TRHDE: variants seen among roughly 807,000 people sequenced by gnomAD.
TRHDE encodes thyrotropin-releasing hormone-degrading ectoenzyme.
Under a neutral mutation model 125.7 loss-of-function variants are expected in TRHDE, and 72 were observed. That is an observed-to-expected ratio of 0.57 (90% confidence interval 0.47 to 0.70). The LOEUF is 0.70. TRHDE is among the 30% of genes least tolerant of loss of function. The pLI, the probability that TRHDE is intolerant of heterozygous loss-of-function variation, is 0.00. For synonymous variants in TRHDE, 509 were observed against 509.1 expected (o/e 1.00, Z 0.00); for missense variants, 1,110 against 1,327.1 (o/e 0.84, Z 2.54).
chr12:72,385,618 A>G (rs947462087), intron 3 of TRHDE, among the ~76,000 whole-genome samples: 2 of 152,272 alleles, frequency 1.3e-5, no homozygotes, highest in South Asian at 4.1e-4. Flanking sequence ...TTGTATTCAA[A>G]TGGCCACAGT....
At chr12:72,264,378 A>G (rs1202691692) in intron 2 of TRHDE, 2 of 152,028 alleles carry the variant, frequency 1.3e-5, no homozygotes, top group Admixed American at 1.3e-4. Context: ...GCAGTGTTTC[A>G]AATCACCTAG....
chr12:72,450,896 A>T (rs1359111006), intron 3 of TRHDE, among the ~76,000 whole-genome samples: 1 of 152,102 alleles, frequency 6.6e-6, no homozygotes, highest in Non-Finnish European at 1.5e-5. Context: ...CCTGATAATT[A>T]GTGATGTTGA....
chr12:72,424,755 T>G (rs1313172986), intron 3 of TRHDE, among the ~76,000 whole-genome samples: 3 of 152,196 alleles, frequency 2.0e-5, no homozygotes, highest in Non-Finnish European at 4.4e-5. Flanking sequence ...GTTTTCTGTC[T>G]CTTTAATATT....
At chr12:72,638,555 A>G (rs1873874486) in intron 15 of TRHDE, among the ~76,000 whole-genome samples, 2 of 150,624 alleles carry the variant, frequency 1.3e-5, no homozygotes, top group South Asian at 4.2e-4. Context: ...TTATGATGTT[A>G]GCTGGTGATT....
chr12:72,273,564 A>G lies in TRHDE; in HGVS notation c.914+7A>G. The G allele has an allele frequency of 6.3e-7, 1 of 1,577,678 alleles. No individual in the cohort carries two copies. Among genetic ancestry groups the G allele is most frequent in the Non-Finnish European group, 8.6e-7 (1 of 1,163,564 alleles). On this transcript the variant is annotated splice_region_variant and intron_variant, in intron 1 of 18. Transcript: ENST00000261180. The surrounding 1 kb of genome is among the most constrained non-coding windows in gnomAD (Gnocchi z 5.3). ...TGCTCCACGGGGAGAGAAGGTATGG[A>G]GGGAGGCGGTGCCCCGCGCTGCCCC...
intron 15 of TRHDE, among the ~76,000 whole-genome samples, chr12:72,637,001 G>C (rs1873785890): frequency 6.6e-6 from 1 of 152,140 alleles, no homozygotes; most frequent in Non-Finnish European, 1.5e-5. Flanking sequence ...TTTGGTATCA[G>C]GATGATGCTG....
At chr12:72,133,102 C>T (rs1339417641) in intron 2 of TRHDE, among the ~76,000 whole-genome samples, 2 of 152,094 alleles carry the variant, frequency 1.3e-5, no homozygotes, top group Non-Finnish European at 2.9e-5. Context: ...AGTGGGGAGA[C>T]ATTGAAAGCT....
intron 3 of TRHDE, among the ~76,000 whole-genome samples, chr12:72,459,028 A>T (rs1876003371): frequency 6.6e-6 from 1 of 152,206 alleles, no homozygotes; most frequent in Admixed American, 6.5e-5. Context: ...AAAGTCTGAC[A>T]CTACTCTCAC....
chr12:72,358,222 C>G (rs1387608377), intron 2 of TRHDE, among the ~76,000 whole-genome samples: 2 of 151,420 alleles, frequency 1.3e-5, no homozygotes, highest in Non-Finnish European at 3.0e-5. Context: ...TGGGTTTGAC[C>G]TGCACAGGTC....
At chr12:72,495,532 T>C (rs1877879068) in intron 5 of TRHDE, among the ~76,000 whole-genome samples, 1 of 152,120 alleles carries the variant, frequency 6.6e-6, no homozygotes, top group South Asian at 2.1e-4. Context: ...AAACCTTTTC[T>C]GAACTAATTA....
intron 3 of TRHDE, among the ~76,000 whole-genome samples, chr12:72,399,871 T>C (rs970930428): frequency 6.6e-6 from 1 of 152,196 alleles, no homozygotes; most frequent in Non-Finnish European, 1.5e-5. Context: ...ATTGCCTCTG[T>C]ATCTCAATTT....
intron 2 of TRHDE, among the ~76,000 whole-genome samples, chr12:72,146,121 G>A (rs1442896983): frequency 2.0e-5 from 3 of 152,226 alleles, no homozygotes; most frequent in Non-Finnish European, 4.4e-5. Flanking sequence ...GTATTTAGGA[G>A]TGATCTCCTT....
intron 3 of TRHDE, among the ~76,000 whole-genome samples, chr12:72,465,108 C>T (rs927428610): frequency 1.3e-5 from 2 of 152,062 alleles, no homozygotes; most frequent in African/African-American, 4.8e-5. Context: ...GGTATAGTCT[C>T]ATAACAAATT....
At chr12:72,100,512 G>A (rs988235891) in intron 1 of TRHDE, among the ~76,000 whole-genome samples, 1 of 152,226 alleles carries the variant, frequency 6.6e-6, no homozygotes, top group African/African-American at 2.4e-5. Flanking sequence ...TAGCATGAGA[G>A]AAGCTCCCAC....
chr12:72,364,655 A>G (rs866289251), intron 2 of TRHDE, among the ~76,000 whole-genome samples: 3 of 152,164 alleles, frequency 2.0e-5, no homozygotes, highest in Admixed American at 6.6e-5. Context: ...TAAAATATAC[A>G]AGAGAGATAA....
intron 15 of TRHDE, among the ~76,000 whole-genome samples, chr12:72,637,616 T>A (rs1023094057): frequency 6.6e-6 from 1 of 152,098 alleles, no homozygotes; most frequent in African/African-American, 2.4e-5. Context: ...TTTTGGATCT[T>A]TCCTGCTTTC....
intron 3 of TRHDE, among the ~76,000 whole-genome samples, chr12:72,395,574 C>T (rs977903136): frequency 3.3e-5 from 5 of 152,050 alleles, no homozygotes; most frequent in Non-Finnish European, 5.9e-5. Context: ...ATCTCATATC[C>T]TCCATTTCAT....
intron 3 of TRHDE, among the ~76,000 whole-genome samples, chr12:72,453,950 C>A (rs1875711641): frequency 6.6e-6 from 1 of 152,204 alleles, no homozygotes; most frequent in Non-Finnish European, 1.5e-5. Flanking sequence ...TGGGCAGTGT[C>A]ATAAAGCTTC....
chr12:72,430,253 A>G (rs1261970343), intron 3 of TRHDE, among the ~76,000 whole-genome samples: 1 of 146,270 alleles, frequency 6.8e-6, no homozygotes, highest in Non-Finnish European at 1.5e-5. Context: ...ATGTGTGTGT[A>G]TATATATAAT....
Sources: allele counts gnomAD v4.1 joint callset (sites outside exome capture counted in the v4.1 genomes callset), GRCh38; gene constraint gnomAD v4.1.1; non-coding constraint Gnocchi (gnomAD v3.1); transcripts MANE v1.5; gene names NCBI Gene and HGNC (gene_info 2026-07-23, HGNC 2026-07-21).